Variants in PIEZO2 observed in about 807,000 individuals in gnomAD.
PIEZO2 encodes piezo type mechanosensitive ion channel component 2, also known as piezo-type mechanosensitive ion channel component 2.
Under a neutral mutation model 337.3 loss-of-function variants are expected in PIEZO2, and 172 were observed. That is an observed-to-expected ratio of 0.51 (90% CI 0.45 to 0.58). The LOEUF (loss-of-function observed/expected upper bound fraction) is 0.58. Ranked by LOEUF, PIEZO2 falls within the 20% of genes least tolerant of loss-of-function variation. The pLI, the probability that PIEZO2 is intolerant of heterozygous loss-of-function variation, is 0.00. For synonymous variants in PIEZO2, 1,251 were observed against 1,228.5 expected (o/e 1.02, Z -0.38); for missense variants, 3,028 against 3,391.3 (o/e 0.89, Z 2.66).
chr18:10,694,083 T>C (rs2034979395), intron 47 of PIEZO2, among the ~76,000 whole-genome samples: 1 of 152,148 alleles, frequency 6.6e-6, no homozygotes, highest in African/African-American at 2.4e-5. Flanking sequence ...TTTATTTAGT[T>C]CTACTGTAGA....
At chr18:10,787,934 TGA>T (rs949834322) in intron 15 of PIEZO2, among the ~76,000 whole-genome samples, 1 of 152,144 alleles carries the variant, frequency 6.6e-6, no homozygotes, top group Non-Finnish European at 1.5e-5. Flanking sequence ...TTTTAATTAA[TGA>T]AATATGAAAG....
intron 35 of PIEZO2, among the ~76,000 whole-genome samples, chr18:10,733,699 C>T (rs1029926681): frequency 1.3e-5 from 2 of 152,154 alleles, no homozygotes; most frequent in Non-Finnish European, 2.9e-5. Flanking sequence ...CTGCCCGCCT[C>T]GGCCTCCCAA....
In PIEZO2 at chr18:10,973,495, T is replaced by C. The variant is rs745678460; in HGVS notation, c.286+6040A>G. Among the ~76,000 whole-genome samples the C allele has an allele frequency of 6.6e-6, 1 of 152,264 alleles. No homozygotes were observed. Among genetic ancestry groups the C allele is most frequent in the Non-Finnish European group, 1.5e-5 (1 of 68,050 alleles). On this transcript the variant is annotated intron_variant, in intron 3 of 55. Coordinates refer to ENST00000674853, the MANE Select transcript of PIEZO2 (RefSeq NM_001378183.1). This position sits in a 1 kb window ranked among gnomAD's most constrained non-coding sequence, Gnocchi z 4.9. ...CAGCACTTAAGGCAAAGTTCTCCTA[T>C]ACATGATCAGAAGGTATATATATGA...
At chr18:11,081,302 C>T (rs893732693) in intron 1 of PIEZO2, among the ~76,000 whole-genome samples, 2 of 152,102 alleles carry the variant, frequency 1.3e-5, no homozygotes, top group African/African-American at 4.8e-5. Context: ...ACCACATATA[C>T]AAAGAAAGTG....
chr18:11,098,286 CAT>C (rs146767910), intron 1 of PIEZO2, among the ~76,000 whole-genome samples: 1,531 of 150,778 alleles, frequency 0.01, 26 homozygotes, highest in African/African-American at 0.035. Flanking sequence ...AAAAAATAAA[CAT>C]ATAAAAGTAG....
At chr18:10,975,598 C>A (rs1350317242) in intron 3 of PIEZO2, among the ~76,000 whole-genome samples, 1 of 152,090 alleles carries the variant, frequency 6.6e-6, no homozygotes, top group Non-Finnish European at 1.5e-5. Context: ...TTTATTACTG[C>A]CAGTTAATAT....
Position 10,794,216 on chromosome 18 carries a change from A to G in PIEZO2, c.1758+556T>C, listed in dbSNP as rs2039500959. ...AATAAAACTGTTAAAATGGCCCATG[A>G]AAGCAAATAAGTAATGAGAAGAGTA... On this transcript the variant is annotated intron_variant, in intron 13 of 55. Coordinates refer to ENST00000674853, the MANE Select transcript of PIEZO2 (RefSeq NM_001378183.1). The surrounding 1 kb of genome is among the most constrained non-coding windows in gnomAD (Gnocchi z 6.6). Among the ~76,000 whole-genome samples the G allele has an allele frequency of 6.6e-6, 1 of 151,436 alleles. No homozygotes were observed. The highest frequency in any genetic ancestry group is 2.1e-4 in the South Asian group (1 of 4,752).
rs2038698406 is a variant in PIEZO2 at position 11,080,441 on chromosome 18, C to T, written c.65-14219G>A. 6.6e-6 allele frequency among the ~76,000 whole-genome samples: 1 copy of T among 152,212 alleles called. No homozygotes were observed. Among genetic ancestry groups the T allele is most frequent in the Admixed American group, 6.5e-5 (1 of 15,286 alleles). On this transcript the variant is annotated intron_variant, in intron 1 of 55. Coordinates refer to ENST00000674853, the MANE Select transcript of PIEZO2 (RefSeq NM_001378183.1). The surrounding 1 kb of genome is among the most constrained non-coding windows in gnomAD (Gnocchi z 5.4). ...TAACCCCCTTAAGAGTAGGGCTTTG[C>T]CACTGCTGTGTCCTCAGAGAACCTA...
At chr18:10,685,071 A>G (rs1273243959) in intron 49 of PIEZO2, among the ~76,000 whole-genome samples, 1 of 152,174 alleles carries the variant, frequency 6.6e-6, no homozygotes, top group African/African-American at 2.4e-5. Context: ...AAGCAGAATA[A>G]GAGTGAGTGG....
chr18:11,068,570 C>T (rs975863916), intron 1 of PIEZO2, among the ~76,000 whole-genome samples: 37 of 151,620 alleles, frequency 2.4e-4, no homozygotes, highest in African/African-American at 8.5e-4. Flanking sequence ...GCAATAAATG[C>T]TTACATAAAA....
rs2037516858 is a variant in PIEZO2 at position 10,748,551 on chromosome 18, C to G, written c.4344G>C (p.Leu1448=). 3 of 1,536,434 alleles carry G rather than the reference C, an allele frequency of 2.0e-6. No individual in the cohort carries two copies. The highest frequency in any genetic ancestry group is 2.6e-6 in the Non-Finnish European group (3 of 1,146,530). ...IWDSICFAFL[L]LQRRVFMSYY... is the part of the protein sequence containing the mutation. The stretch of plus-strand genomic sequence containing the variant: ...AACTCATGAAAACTCTTCTTTGCAG[C>G]AGGAGGAAGGCAAAACATATGCTGT... Residue 1448 remains leucine, a synonymous_variant, in exon 30 of 56, where the codon CTG becomes CTC. Coordinates refer to ENST00000674853, the MANE Select transcript of PIEZO2 (RefSeq NM_001378183.1). This position sits in a 1 kb window ranked among gnomAD's most constrained non-coding sequence, Gnocchi z 5.1.
chr18:10,883,855 G>A (rs569905539), intron 4 of PIEZO2, among the ~76,000 whole-genome samples: 1 of 130,070 alleles, frequency 7.7e-6, no homozygotes, highest in South Asian at 2.5e-4. Flanking sequence ...CTGTCGCCTA[G>A]GCTGGAGTGC....
intron 11 of PIEZO2, among the ~76,000 whole-genome samples, chr18:10,798,537 A>G (rs947588255): frequency 3.3e-5 from 5 of 152,196 alleles, no homozygotes; most frequent in Non-Finnish European, 7.3e-5. Flanking sequence ...AATCTGATGG[A>G]TTTTAGAGTT....
rs567223089 is a variant in PIEZO2 at position 10,864,396 on chromosome 18, G to C, written c.492+6857C>G. On this transcript the variant is annotated intron_variant, in intron 5 of 55. Coordinates refer to ENST00000674853, the MANE Select transcript of PIEZO2 (RefSeq NM_001378183.1). Reference sequence around the variant, plus strand: ...GAAGATATAACTACTTATAAATTGAGAATATAAGGTCCTAAGGACATTGAG... The same window carrying C: ...GAAGATATAACTACTTATAAATTGACAATATAAGGTCCTAAGGACATTGAG... 2.4e-4 allele frequency among the ~76,000 whole-genome samples: 37 copies of C among 152,210 alleles called. No homozygotes were observed. The South Asian group carries it at 6.2e-3, about 26-fold the overall frequency.
intron 7 of PIEZO2, among the ~76,000 whole-genome samples, chr18:10,826,486 G>A (rs894233318): frequency 6.6e-6 from 1 of 152,136 alleles, no homozygotes; most frequent in African/African-American, 2.4e-5. Context: ...AGTGATTTCA[G>A]AACTGATAAC....
chr18:10,999,971 T>C (rs945442628), intron 2 of PIEZO2, among the ~76,000 whole-genome samples: 8 of 152,282 alleles, frequency 5.3e-5, no homozygotes, highest in Admixed American at 3.3e-4. Context: ...CCTAACCATG[T>C]TGACTTATAA....
At chr18:10,913,854 C>A (rs1686419070) in intron 3 of PIEZO2, among the ~76,000 whole-genome samples, 1 of 152,006 alleles carries the variant, frequency 6.6e-6, no homozygotes, top group East Asian at 1.9e-4. Flanking sequence ...GTCTGACATA[C>A]CACAGGCTCA....
At chr18:10,695,292 T>C (rs1050201688) in intron 47 of PIEZO2, among the ~76,000 whole-genome samples, 6 of 152,000 alleles carry the variant, frequency 3.9e-5, no homozygotes, top group African/African-American at 1.4e-4. Context: ...AGACTTTGGG[T>C]TGGAGGCTGG....
intron 1 of PIEZO2, among the ~76,000 whole-genome samples, chr18:11,068,602 C>T (rs1280026418): frequency 6.6e-6 from 1 of 151,876 alleles, no homozygotes; most frequent in Admixed American, 6.6e-5. Flanking sequence ...TCTCAAACAA[C>T]CTAGCATTAC....
Sources: allele counts gnomAD v4.1 joint callset (sites outside exome capture counted in the v4.1 genomes callset), GRCh38; gene constraint gnomAD v4.1.1; non-coding constraint Gnocchi (gnomAD v3.1); transcripts MANE v1.5; gene names NCBI Gene and HGNC (gene_info 2026-07-23, HGNC 2026-07-21).